Variants in LRRTM4 observed in about 807,000 individuals in gnomAD.
LRRTM4 encodes leucine rich repeat transmembrane neuronal 4.
Under a neutral mutation model 47.6 loss-of-function variants are expected in LRRTM4, and 25 were observed. The ratio of observed to expected loss-of-function variants is 0.53; its 90% CI spans 0.38 to 0.73. The LOEUF is 0.73. Ranked by LOEUF, LRRTM4 falls within the 30% of genes least tolerant of loss-of-function variation. LRRTM4 has a pLI of 0.00. For missense variants in LRRTM4, 638 were observed against 713.4 expected (o/e 0.89, Z 1.20); for synonymous variants, 311 against 269.5 (o/e 1.15, Z -1.51).
At chr2:77,356,373 A>C (rs2104305705) in intron 3 of LRRTM4, among the ~76,000 whole-genome samples, 1 of 152,300 alleles carries the variant, frequency 6.6e-6, no homozygotes, top group South Asian at 2.1e-4. Flanking sequence ...GGCATAAGTA[A>C]CTCAATGAGA....
At chr2:77,450,330 T>C (rs1676210360) in intron 3 of LRRTM4, among the ~76,000 whole-genome samples, 1 of 149,788 alleles carries the variant, frequency 6.7e-6, no homozygotes, top group Non-Finnish European at 1.5e-5. Flanking sequence ...CACACACACA[T>C]ACATATCTCA....
At chr2:76,972,665 C>T (rs546640442) in intron 3 of LRRTM4, among the ~76,000 whole-genome samples, 82 of 152,012 alleles carry the variant, frequency 5.4e-4, no homozygotes, top group South Asian at 2.5e-3. Flanking sequence ...CGTGATGTGC[C>T]CACCTCGGCC....
intron 3 of LRRTM4, among the ~76,000 whole-genome samples, chr2:77,063,254 G>A (rs1263903890): frequency 3.3e-5 from 5 of 152,048 alleles, no homozygotes; most frequent in East Asian, 3.9e-4. Context: ...CACTGCGCCC[G>A]GCCTCCCCTT....
At chr2:76,786,749 A>G (rs1425050172) in intron 3 of LRRTM4, among the ~76,000 whole-genome samples, 1 of 151,964 alleles carries the variant, frequency 6.6e-6, no homozygotes. Flanking sequence ...AAGTTAGAAG[A>G]TTGCAGAAAA....
intron 3 of LRRTM4, among the ~76,000 whole-genome samples, chr2:77,252,718 G>C (rs762616836): frequency 1.3e-5 from 2 of 152,106 alleles, no homozygotes; most frequent in African/African-American, 4.8e-5. Context: ...ACTATGGGGA[G>C]GGAAAAGAGT....
intron 3 of LRRTM4, among the ~76,000 whole-genome samples, chr2:77,396,444 A>T (rs1673707524): frequency 6.6e-6 from 1 of 151,878 alleles, no homozygotes; most frequent in South Asian, 2.1e-4. Flanking sequence ...TATCTCCCAC[A>T]GTGCCTAGAC....
At chr2:76,798,234 G>A (rs1158719992) in intron 3 of LRRTM4, among the ~76,000 whole-genome samples, 8 of 151,938 alleles carry the variant, frequency 5.3e-5, no homozygotes, top group African/African-American at 1.2e-4. Flanking sequence ...AAAGAGCAGA[G>A]ATTATAACAA....
chr2:77,271,855 T>A (rs1429882434), intron 3 of LRRTM4, among the ~76,000 whole-genome samples: 1 of 152,192 alleles, frequency 6.6e-6, no homozygotes, highest in East Asian at 1.9e-4. Flanking sequence ...TACGAAAATA[T>A]GCCTCCACCC....
At chr2:76,855,674 C>T (rs1573216570) in intron 3 of LRRTM4, among the ~76,000 whole-genome samples, 1 of 151,970 alleles carries the variant, frequency 6.6e-6, no homozygotes, top group East Asian at 1.9e-4. Flanking sequence ...TTTCTGAAAG[C>T]ATATATGCAG....
intron 3 of LRRTM4, among the ~76,000 whole-genome samples, chr2:77,256,767 T>C (rs575274398): frequency 2.6e-5 from 4 of 151,746 alleles, no homozygotes; most frequent in Admixed American, 2.0e-4. Flanking sequence ...CTAATGCAAT[T>C]TGAGAACATT....
intron 3 of LRRTM4, among the ~76,000 whole-genome samples, chr2:77,493,690 C>A (rs1009576815): frequency 1.4e-4 from 22 of 152,030 alleles, no homozygotes; most frequent in Non-Finnish European, 3.2e-4. Flanking sequence ...TATCTTTCCC[C>A]CAAAAGTTGC....
At chr2:76,905,862 A>T (rs1192110850) in intron 3 of LRRTM4, among the ~76,000 whole-genome samples, 1 of 152,216 alleles carries the variant, frequency 6.6e-6, no homozygotes, top group African/African-American at 2.4e-5. Context: ...GACCAAATCT[A>T]CATCTGATTG....
intron 3 of LRRTM4, among the ~76,000 whole-genome samples, chr2:77,113,793 G>C: frequency 6.6e-6 from 1 of 152,030 alleles, no homozygotes; most frequent in Non-Finnish European, 1.5e-5. Context: ...GGAGGGGGAA[G>C]GGCCTGCAGA....
intron 3 of LRRTM4, among the ~76,000 whole-genome samples, chr2:77,498,513 C>T (rs1678448644): frequency 1.3e-5 from 2 of 151,742 alleles, no homozygotes; most frequent in Non-Finnish European, 2.9e-5. Flanking sequence ...GATCTCTTCC[C>T]TTCCCATACA....
chr2:77,513,017 C>A (rs1461405441), intron 3 of LRRTM4, among the ~76,000 whole-genome samples: 1 of 152,152 alleles, frequency 6.6e-6, no homozygotes, highest in African/African-American at 2.4e-5. Flanking sequence ...ACTCTATTCA[C>A]AAATAGATTT....
At chr2:77,182,413 G>T (rs1673373633) in intron 3 of LRRTM4, among the ~76,000 whole-genome samples, 1 of 152,066 alleles carries the variant, frequency 6.6e-6, no homozygotes, top group South Asian at 2.1e-4. Context: ...AACACACACT[G>T]GGGCCTGTTG....
intron 3 of LRRTM4, among the ~76,000 whole-genome samples, chr2:76,799,616 A>G (rs1184493569): frequency 7.2e-6 from 1 of 139,136 alleles, no homozygotes; most frequent in African/African-American, 2.7e-5. Context: ...ATTAGGCAGG[A>G]GAAGGAAATA....
At chr2:77,136,520 T>C (rs986823418) in intron 3 of LRRTM4, among the ~76,000 whole-genome samples, 6 of 151,886 alleles carry the variant, frequency 4.0e-5, no homozygotes, top group African/African-American at 1.5e-4. Context: ...ACCAAAAAGA[T>C]GGGGAAAAAA....
At chr2:77,219,649 A>G (rs1674561608) in intron 3 of LRRTM4, among the ~76,000 whole-genome samples, 1 of 152,176 alleles carries the variant, frequency 6.6e-6, no homozygotes, top group Non-Finnish European at 1.5e-5. Context: ...GCATCTTGGA[A>G]TCAGGGCATG....
Sources: allele counts gnomAD v4.1 joint callset (sites outside exome capture counted in the v4.1 genomes callset), GRCh38; gene constraint gnomAD v4.1.1; transcripts MANE v1.5; gene names NCBI Gene and HGNC (gene_info 2026-07-23, HGNC 2026-07-21).